The following RYR3 variants were observed in gnomAD, a reference collection of about 807,000 sequenced individuals.
The protein encoded by RYR3 is brain ryanodine receptor-calcium release channel.
A neutral mutation model predicts 584.3 loss-of-function variants in RYR3; 207 were observed. The ratio of observed to expected loss-of-function variants is 0.35; its 90% CI spans 0.32 to 0.40. RYR3 has a LOEUF of 0.40. Ranked by LOEUF, RYR3 falls within the 10% of genes least tolerant of loss-of-function variation. The pLI, the probability that RYR3 is intolerant of heterozygous loss-of-function variation, is 1.00. For synonymous variants in RYR3, 2,416 were observed against 2,248.5 expected (o/e 1.07, Z -2.11); for missense variants, 5,616 against 6,089.2 (o/e 0.92, Z 2.59).
At chr15:33,745,750 G>A (rs1038991146) in intron 52 of RYR3, among the ~76,000 whole-genome samples, 3 of 152,192 alleles carry the variant, frequency 2.0e-5, no homozygotes, top group Non-Finnish European at 4.4e-5. Flanking sequence ...TTCTTCCTGC[G>A]AGGGGAGTAC....
chr15:33,556,237 A>G lies in RYR3; in HGVS notation c.972+5921A>G, dbSNP rs536506146. On this transcript the variant is annotated intron_variant, in intron 10 of 103. Transcript: ENST00000634891. ...ACACATTTCACTCTAATTAATAAGC[A>G]TCAATTAGAAGCTACTCCATTCCAC... is the stretch of plus-strand genomic sequence containing the variant. Among the ~76,000 whole-genome samples the G allele has an allele frequency of 3.3e-5, 5 of 152,334 alleles. No individual in the cohort carries two copies. The East Asian group carries it at 9.6e-4, about 29-fold the overall frequency.
chr15:33,772,563 G>T (rs934561768), intron 63 of RYR3, among the ~76,000 whole-genome samples: 4 of 152,156 alleles, frequency 2.6e-5, no homozygotes, highest in Non-Finnish European at 5.9e-5. Flanking sequence ...CAGGAGCAAA[G>T]GAAAAATGCT....
chr15:33,382,933 T>C (rs77463230), intron 1 of RYR3, among the ~76,000 whole-genome samples: 3,998 of 139,268 alleles, frequency 0.029, 62 homozygotes, highest in African/African-American at 0.041. Flanking sequence ...AGCTGTATTA[T>C]CATGACTAAA....
At chr15:33,552,614 G>A (rs966418949) in intron 10 of RYR3, among the ~76,000 whole-genome samples, 1 of 152,204 alleles carries the variant, frequency 6.6e-6, no homozygotes, top group Non-Finnish European at 1.5e-5. Context: ...GAAAGGAACT[G>A]AAATTAAAAT....
At chr15:33,650,610 C>T (rs899155572) in intron 31 of RYR3, among the ~76,000 whole-genome samples, 4 of 152,174 alleles carry the variant, frequency 2.6e-5, no homozygotes, top group African/African-American at 4.8e-5. Flanking sequence ...CTACAGTCAT[C>T]CCTTGGTATA....
chr15:33,566,730 G>A lies in RYR3; in HGVS notation c.1199G>A (p.Cys400Tyr), dbSNP rs753003921. 1 of 1,613,730 alleles carries A rather than the reference G, an allele frequency of 6.2e-7. No individual in the cohort carries two copies. The highest frequency in any genetic ancestry group is 1.3e-5 in the African/African-American group (1 of 75,016). The change falls in exon 12 of 104, where the codon TGC becomes TAC. Residue 400 changes from cysteine to tyrosine, a missense_variant. Transcript: ENST00000634891. Reference sequence around the variant, plus strand: ...GATGATGGATTAACACTGCAGAGATGCCAGCGTGAGGAGTCCCAGGCTGCT... The same window carrying A: ...GATGATGGATTAACACTGCAGAGATACCAGCGTGAGGAGTCCCAGGCTGCT... ...HMDDGLTLQR[C>Y]QREESQAARI...
At chr15:33,835,551 A>G (rs995760417) in intron 87 of RYR3, among the ~76,000 whole-genome samples, 4 of 152,146 alleles carry the variant, frequency 2.6e-5, no homozygotes, top group Non-Finnish European at 5.9e-5. Flanking sequence ...AACCGCTCAG[A>G]GCATTTATTA....
At chr15:33,429,594 T>C (rs919495623) in intron 1 of RYR3, among the ~76,000 whole-genome samples, 1 of 152,240 alleles carries the variant, frequency 6.6e-6, no homozygotes, top group African/African-American at 2.4e-5. Flanking sequence ...AATGAATCTC[T>C]TACAGGACAC....
At position 33,788,355 on chromosome 15, in the gene RYR3, G is replaced by T. The variant is rs1294722820; in HGVS notation, c.9727G>T (p.Asp3243Tyr). The T allele has an allele frequency of 1.3e-5, 21 of 1,613,830 alleles. No homozygotes were observed. The Middle Eastern group carries it at 8.2e-4, about 63-fold the overall frequency. The change falls in exon 67 of 104, where the codon GAC becomes TAC. Residue 3243 changes from aspartate (D) to tyrosine (Y), a missense_variant. By Grantham distance (160) the Asp-to-Tyr change is radical. This residue lies in a region of RYR3 where 954 missense variants were observed against 1,132.2 expected (regional missense o/e 0.84). Coordinates refer to ENST00000634891, the MANE Select transcript of RYR3 (RefSeq NM_001036.6). ...GCAGTTGAAAGCCGATGGCAAAGGG[G>T]ACACCCAGGAGGCAGAACTCCTCAT... ...EEQLKADGKG[D>Y]TQEAELLILD...
chr15:33,838,686 C>A lies in RYR3; in HGVS notation c.12706C>A (p.Pro4236Thr). Residue 4236 changes from proline (P) to threonine (T), a missense_variant, in exon 89 of 104, where the codon CCT becomes ACT. Pro to Thr is a conservative substitution (Grantham distance 38). Around this residue, in one of 9 missense-constraint regions of RYR3, gnomAD observed 918 missense variants for 887.4 expected, o/e 1.03. Transcript: ENST00000634891. ...IRVTKILGDM[P>T]DPTQFGIHDD... ...AGTGACCAAGATCCTGGGTGACATG[C>A]CTGACCCAACCCAATTTGGTATCCA... 1 of 1,613,930 alleles carries A rather than the reference C, an allele frequency of 6.2e-7. No individual in the cohort carries two copies. The highest frequency in any genetic ancestry group is 8.5e-7 in the Non-Finnish European group (1 of 1,179,876).
chr15:33,515,434 G>T (rs1022902139), intron 3 of RYR3, among the ~76,000 whole-genome samples: 2 of 152,112 alleles, frequency 1.3e-5, no homozygotes, highest in East Asian at 1.9e-4. Flanking sequence ...AGAAACCTTT[G>T]TAGGTCTGTC....
At chr15:33,819,101 C>T (rs563958570) in intron 76 of RYR3, among the ~76,000 whole-genome samples, 101 of 151,344 alleles carry the variant, frequency 6.7e-4, no homozygotes, top group Admixed American at 6.6e-3. Context: ...CCAGCCTGGG[C>T]GACAAGAGCA....
chr15:33,571,631 G>GT (rs1481330912), intron 12 of RYR3, among the ~76,000 whole-genome samples: 1 of 152,062 alleles, frequency 6.6e-6, no homozygotes, highest in Non-Finnish European at 1.5e-5. Context: ...TGCAGATTAT[G>GT]TTTTTTGTTT....
At chr15:33,466,664 T>C (rs1479027378) in intron 1 of RYR3, among the ~76,000 whole-genome samples, 1 of 152,226 alleles carries the variant, frequency 6.6e-6, no homozygotes, top group East Asian at 1.9e-4. Context: ...ATTAATAATA[T>C]TTCTATGTCT....
chr15:33,439,768 C>G (rs545472007), intron 1 of RYR3, among the ~76,000 whole-genome samples: 1 of 152,118 alleles, frequency 6.6e-6, no homozygotes, highest in East Asian at 1.9e-4. Flanking sequence ...TGAAATAATC[C>G]ATATGAAGTA....
chr15:33,862,007 C>T (rs1394690086), intron 102 of RYR3, among the ~76,000 whole-genome samples: 1 of 152,158 alleles, frequency 6.6e-6, no homozygotes, highest in East Asian at 1.9e-4. Flanking sequence ...TACGGTAAAG[C>T]ATTCACTGAA....
At chr15:33,330,224 T>G (rs1970217226) in intron 1 of RYR3, among the ~76,000 whole-genome samples, 1 of 152,196 alleles carries the variant, frequency 6.6e-6, no homozygotes, top group Non-Finnish European at 1.5e-5. Context: ...AGGCTACACC[T>G]CTTTATGTGC....
chr15:33,349,986 G>A (rs1322403677), intron 1 of RYR3, among the ~76,000 whole-genome samples: 1 of 151,548 alleles, frequency 6.6e-6, no homozygotes, highest in Admixed American at 6.6e-5. Context: ...TCTTAATCCA[G>A]TCTATCATTG....
At chr15:33,776,992 G>A (rs1164353660) in intron 64 of RYR3, among the ~76,000 whole-genome samples, 2 of 152,192 alleles carry the variant, frequency 1.3e-5, no homozygotes, top group African/African-American at 4.8e-5. Context: ...GAGACCAGAC[G>A]AGCCTGGGCA....
Sources: gnomAD v4.1 joint callset for allele counts (sites outside exome capture counted in the v4.1 genomes callset) on GRCh38, gnomAD v4.1.1 for gene constraint, gnomAD v4.1.1 regional missense constraint, MANE v1.5 for transcripts, NCBI Gene and HGNC (gene_info 2026-07-23, HGNC 2026-07-21) for gene names.